Variants in SLC4A10 observed in about 807,000 individuals in gnomAD.
SLC4A10 encodes the protein solute carrier family 4 member 10.
In SLC4A10, 42 loss-of-function variants were observed where a neutral mutation model predicts 137.7. That is an observed-to-expected ratio of 0.30 (90% CI 0.24 to 0.39). The LOEUF is 0.39. Ranked by LOEUF, SLC4A10 falls within the 10% of genes least tolerant of loss-of-function variation. The probability of loss-of-function intolerance (pLI) is 1.00; values close to 1 mark genes in which losing one functional copy is unlikely to be tolerated. For missense variants in SLC4A10, 925 were observed against 1,355.0 expected (o/e 0.68, Z 4.98); for synonymous variants, 474 against 464.1 (o/e 1.02, Z -0.27).
At chr2:161,804,855 T>G (rs2055761013) in intron 3 of SLC4A10, among the ~76,000 whole-genome samples, 2 of 152,092 alleles carry the variant, frequency 1.3e-5, no homozygotes, top group South Asian at 4.1e-4. Context: ...TCTTGATAAT[T>G]TATACAAATA....
At chr2:161,825,510 TGATA>T (rs2057956630) in intron 3 of SLC4A10, among the ~76,000 whole-genome samples, 1 of 152,204 alleles carries the variant, frequency 6.6e-6, no homozygotes, top group African/African-American at 2.4e-5. Context: ...TCAGTTATAA[TGATA>T]GAGTCTCTCT....
chr2:161,882,688 A>G (rs1182960435), intron 10 of SLC4A10, among the ~76,000 whole-genome samples: 1 of 152,150 alleles, frequency 6.6e-6, no homozygotes, highest in Non-Finnish European at 1.5e-5. Flanking sequence ...GACACTTAGA[A>G]TATATTATTA....
At chr2:161,959,392 G>A (rs907308739) in intron 21 of SLC4A10, among the ~76,000 whole-genome samples, 11 of 152,230 alleles carry the variant, frequency 7.2e-5, no homozygotes, top group Admixed American at 6.5e-4. Context: ...TGTGGTCACT[G>A]TCAGGGTGTG....
intron 17 of SLC4A10, 59 bp from the exon 18 acceptor site, chr2:161,949,089 C>T: frequency 9.4e-7 from 1 of 1,065,810 alleles, no homozygotes; most frequent in Non-Finnish European, 1.4e-6. Context: ...GATTATGTTC[C>T]TGAGTATTCC....
chr2:161,787,606 G>C (rs1559249446), intron 2 of SLC4A10, among the ~76,000 whole-genome samples: 1 of 151,888 alleles, frequency 6.6e-6, no homozygotes, highest in East Asian at 1.9e-4. Flanking sequence ...CAAATATTTT[G>C]TTTATTTTTA....
At chr2:161,915,520 T>C (rs1388949176) in intron 15 of SLC4A10, among the ~76,000 whole-genome samples, 3 of 152,168 alleles carry the variant, frequency 2.0e-5, no homozygotes, top group African/African-American at 7.2e-5. Context: ...CCCCATACGA[T>C]GAGGCAAAGG....
intron 20 of SLC4A10, 44 bp from the exon 21 acceptor site, chr2:161,958,443 A>C (rs1238098493): frequency 6.5e-7 from 1 of 1,532,104 alleles, no homozygotes; most frequent in Non-Finnish European, 9.0e-7. Flanking sequence ...ACCACAATCT[A>C]TTTGAAAATG....
intron 5 of SLC4A10, among the ~76,000 whole-genome samples, chr2:161,862,035 A>G (rs2060463764): frequency 6.6e-6 from 1 of 152,222 alleles, no homozygotes; most frequent in South Asian, 2.1e-4. Flanking sequence ...ATAATCAGAA[A>G]GCAGATTAAT....
chr2:161,942,967 T>C, intron 16 of SLC4A10, 70 bp downstream of exon 16: 1 of 1,273,328 alleles, frequency 7.9e-7, no homozygotes, highest in Non-Finnish European at 1.1e-6. Context: ...ATTATTGCCA[T>C]TACAGTAAAA....
chr2:161,687,947 G>T (rs932607506), intron 1 of SLC4A10, among the ~76,000 whole-genome samples: 9 of 152,102 alleles, frequency 5.9e-5, no homozygotes, highest in African/African-American at 2.2e-4. Flanking sequence ...CCAGTCTTGG[G>T]TATATCTTCA....
intron 1 of SLC4A10, among the ~76,000 whole-genome samples, chr2:161,626,282 G>A (rs1238941182): frequency 6.6e-6 from 1 of 152,050 alleles, no homozygotes; most frequent in Non-Finnish European, 1.5e-5. Context: ...ACAGTTAAAG[G>A]GTTTAGGACC....
At chr2:161,943,005 A>C in intron 16 of SLC4A10, 108 bp downstream of exon 16, 1 of 721,814 alleles carries the variant, frequency 1.4e-6, no homozygotes, top group East Asian at 2.7e-5. Flanking sequence ...TATAAAACTA[A>C]TAGTTGTGTT....
intron 2 of SLC4A10, 31 bp from the exon 3 acceptor site, chr2:161,804,418 G>A: frequency 6.3e-7 from 1 of 1,599,192 alleles, no homozygotes; most frequent in Non-Finnish European, 8.5e-7. Flanking sequence ...ATAATTCAGA[G>A]TTTAATTTGT....
intron 15 of SLC4A10, among the ~76,000 whole-genome samples, chr2:161,916,414 C>T (rs756160030): frequency 6.6e-6 from 1 of 152,180 alleles, no homozygotes; most frequent in Non-Finnish European, 1.5e-5. Flanking sequence ...AAACTCTTGT[C>T]TAGATTATTG....
At position 161,873,919 on chromosome 2, in the gene SLC4A10, C is replaced by T. The variant is rs914482455; in HGVS notation, c.862C>T (p.Leu288=). 1.9e-6 allele frequency: 3 copies of T among 1,593,014 alleles called. No homozygotes were observed. The highest frequency in any genetic ancestry group is 8.5e-7 in the Non-Finnish European group (1 of 1,177,370). Reference sequence around the variant, plus strand: ...AGTCTGTTAATTATGCGTGCAGGGACTGGGAGGCCAACAAAAGGGGCATAC... The same window carrying T: ...AGTCTGTTAATTATGCGTGCAGGGATTGGGAGGCCAACAAAAGGGGCATAC... The part of the protein sequence containing the change: ...ENSTVDFSKG[L]GGQQKGHTSP... Residue 288 remains leucine, a synonymous_variant, in exon 8 of 27, where the codon CTG becomes TTG. Coordinates refer to ENST00000446997, the MANE Select transcript of SLC4A10 (RefSeq NM_001178015.2).
At chr2:161,904,212 A>G (rs1300240088) in intron 13 of SLC4A10, 34 bp downstream of exon 13, 3 of 1,549,100 alleles carry the variant, frequency 1.9e-6, no homozygotes, top group African/African-American at 1.4e-5. Context: ...ACTTTGAAAC[A>G]TAATCCATTT....
chr2:161,808,360 C>T (rs1214605297), intron 3 of SLC4A10, among the ~76,000 whole-genome samples: 1 of 151,952 alleles, frequency 6.6e-6, no homozygotes, highest in East Asian at 1.9e-4. Context: ...CATATTTTAG[C>T]TCATAGTTTT....
intron 3 of SLC4A10, among the ~76,000 whole-genome samples, chr2:161,820,850 T>C (rs1206116433): frequency 6.6e-6 from 1 of 152,222 alleles, no homozygotes; most frequent in Non-Finnish European, 1.5e-5. Context: ...TCAGTTTTGG[T>C]AGATAATGCC....
At chr2:161,773,631 G>A (rs1013930688) in intron 2 of SLC4A10, among the ~76,000 whole-genome samples, 5 of 151,688 alleles carry the variant, frequency 3.3e-5, no homozygotes, top group African/African-American at 1.2e-4. Flanking sequence ...CTGAGTACAG[G>A]TTGTAGAAAT....
Sources: gnomAD v4.1 joint callset for allele counts (sites outside exome capture counted in the v4.1 genomes callset) on GRCh38, gnomAD v4.1.1 for gene constraint, MANE v1.5 for transcripts, NCBI Gene and HGNC (gene_info 2026-07-23, HGNC 2026-07-21) for gene names.